REDIC1: variants seen among roughly 807,000 people sequenced by gnomAD.
REDIC1 encodes the protein HEI10 Interacting Protein 1.
chr12:39,707,363 A>G, the REDIC1 span, among the ~76,000 whole-genome samples: 1 of 151,918 alleles, frequency 6.6e-6, no homozygotes, highest in Non-Finnish European at 1.5e-5. Context: ...GCAATTACAA[A>G]CGCTGATGAG....
the REDIC1 span, among the ~76,000 whole-genome samples, chr12:39,835,106 T>C: frequency 6.6e-6 from 1 of 152,110 alleles, no homozygotes; most frequent in South Asian, 2.1e-4. Flanking sequence ...CTCATAAGAA[T>C]ACTCTAAGCA....
chr12:39,802,895 A>G, the REDIC1 span, among the ~76,000 whole-genome samples: 2 of 152,184 alleles, frequency 1.3e-5, no homozygotes, highest in Non-Finnish European at 2.9e-5. Flanking sequence ...AATTAACATC[A>G]AAATAAAATA....
At chr12:39,896,514 G>GTATATATGTACACATATA in the REDIC1 span, among the ~76,000 whole-genome samples, 1 of 140,778 alleles carries the variant, frequency 7.1e-6, no homozygotes, top group Non-Finnish European at 1.6e-5. Flanking sequence ...ATGTACATGT[G>GTATATATGTACACATATA]TGTATACATG....
the REDIC1 span, among the ~76,000 whole-genome samples, chr12:39,774,572 C>A: frequency 7.1e-6 from 1 of 140,520 alleles, no homozygotes; most frequent in Non-Finnish European, 1.5e-5. Context: ...GAATGATTTC[C>A]CATTGTCCAG....
chr12:39,816,416 C>T, the REDIC1 span, among the ~76,000 whole-genome samples: 1 of 125,616 alleles, frequency 8.0e-6, no homozygotes, highest in Non-Finnish European at 1.6e-5. Context: ...AACATCACAC[C>T]CCGGGGCCTG....
the REDIC1 span, among the ~76,000 whole-genome samples, chr12:39,842,984 T>G: frequency 6.6e-6 from 1 of 152,062 alleles, no homozygotes; most frequent in Non-Finnish European, 1.5e-5. Context: ...CTGTAGGATA[T>G]ATCACACTTC....
chr12:39,846,746 C>T, the REDIC1 span, among the ~76,000 whole-genome samples: 1 of 152,092 alleles, frequency 6.6e-6, no homozygotes, highest in East Asian at 1.9e-4. Context: ...GCCACAATGC[C>T]CAGCCTCACT....
At chr12:39,669,515 G>A in the REDIC1 span, among the ~76,000 whole-genome samples, 1 of 152,186 alleles carries the variant, frequency 6.6e-6, no homozygotes. Flanking sequence ...CCCACTTGAG[G>A]GCGCAGTCTG....
chr12:39,669,471 G>T, the REDIC1 span, among the ~76,000 whole-genome samples: 1 of 152,198 alleles, frequency 6.6e-6, no homozygotes, highest in Non-Finnish European at 1.5e-5. Flanking sequence ...CTACTGGGGG[G>T]TGCATCCCAG....
the REDIC1 span, among the ~76,000 whole-genome samples, chr12:39,878,460 G>A: frequency 9.9e-5 from 15 of 152,212 alleles, no homozygotes; most frequent in Non-Finnish European, 2.1e-4. Context: ...ATTGGGAACT[G>A]TAGCAAAGGT....
the REDIC1 span, among the ~76,000 whole-genome samples, chr12:39,656,348 A>G: frequency 1.3e-5 from 2 of 152,172 alleles, no homozygotes; most frequent in South Asian, 2.1e-4. Flanking sequence ...GGAGCTGAAA[A>G]ATTCCTACCA....
At chr12:39,681,273 C>A in the REDIC1 span, among the ~76,000 whole-genome samples, 1 of 151,950 alleles carries the variant, frequency 6.6e-6, no homozygotes, top group South Asian at 2.1e-4. Flanking sequence ...ACTCCATCTC[C>A]CACACACACA....
the REDIC1 span, among the ~76,000 whole-genome samples, chr12:39,806,177 T>C: frequency 1.3e-5 from 2 of 152,046 alleles, no homozygotes; most frequent in Admixed American, 1.3e-4. Context: ...AAGAAAAAAA[T>C]CGATGACAAG....
At chr12:39,799,854 T>C in the REDIC1 span, among the ~76,000 whole-genome samples, 1 of 152,198 alleles carries the variant, frequency 6.6e-6, no homozygotes, top group African/African-American at 2.4e-5. Flanking sequence ...AGCAAGAAAC[T>C]TGGTAGAACT....
the REDIC1 span, among the ~76,000 whole-genome samples, chr12:39,744,532 T>C: frequency 6.6e-6 from 1 of 152,112 alleles, no homozygotes; most frequent in Admixed American, 6.5e-5. Flanking sequence ...AGCAGTGATA[T>C]AAGGGATGGA....
At chr12:39,860,597 T>C in the REDIC1 span, among the ~76,000 whole-genome samples, 1 of 152,236 alleles carries the variant, frequency 6.6e-6, no homozygotes, top group Non-Finnish European at 1.5e-5. Flanking sequence ...ATTGCACGCA[T>C]GGTCTTACAT....
chr12:39,725,411 G>T, the REDIC1 span, among the ~76,000 whole-genome samples: 1 of 152,086 alleles, frequency 6.6e-6, no homozygotes, highest in Non-Finnish European at 1.5e-5. Flanking sequence ...TTTCTTGATT[G>T]TATCCCTGTT....
the REDIC1 span, chr12:39,720,756 G>A: frequency 6.6e-7 from 1 of 1,520,444 alleles, no homozygotes; most frequent in Non-Finnish European, 9.0e-7. Context: ...TGTAAGCATG[G>A]TTTAGAGCAA....
chr12:39,746,192 G>A, the REDIC1 span: 1 of 152,310 alleles, frequency 6.6e-6, no homozygotes, highest in East Asian at 1.9e-4. Flanking sequence ...CTAGCCAAGG[G>A]AAGGGGTGAC....
Sources: allele counts gnomAD v4.1 joint callset (sites outside exome capture counted in the v4.1 genomes callset), GRCh38; gene constraint gnomAD v4.1.1; transcripts MANE v1.5; gene names NCBI Gene and HGNC (gene_info 2026-07-23, HGNC 2026-07-21).